TAFA2: variants seen among roughly 807,000 people sequenced by gnomAD.
The protein encoded by TAFA2 is TAFA chemokine like family member 2.
In TAFA2, 7 loss-of-function variants were observed where a neutral mutation model predicts 18.8. That is an observed-to-expected ratio of 0.37 (90% CI 0.21 to 0.70). TAFA2 has a LOEUF of 0.70. Among genes scored for constraint, TAFA2 ranks in the 30% least tolerant of loss-of-function variants. The pLI is 0.53. For missense variants in TAFA2, 122 were observed against 158.1 expected (o/e 0.77, Z 1.23); for synonymous variants, 60 against 54.2 (o/e 1.11, Z -0.47).
chr12:61,758,872 T>C (rs1869400128), intron 2 of TAFA2, among the ~76,000 whole-genome samples: 1 of 152,018 alleles, frequency 6.6e-6, no homozygotes, highest in Non-Finnish European at 1.5e-5. Context: ...TCTAAATCTC[T>C]GAATGGAAGC....
At chr12:61,815,995 G>T (rs796670875) in intron 2 of TAFA2, among the ~76,000 whole-genome samples, 3 of 151,360 alleles carry the variant, frequency 2.0e-5, no homozygotes, top group African/African-American at 7.4e-5. Flanking sequence ...AAAAAAGATG[G>T]TGTGGGTCTC....
chr12:62,158,083 GA>G lies in TAFA2; in HGVS notation c.-2+33175del, dbSNP rs568144195. Among the ~76,000 whole-genome samples the G allele has an allele frequency of 3.9e-5, 6 of 151,986 alleles. No homozygotes were observed. In the South Asian group the frequency reaches 8.3e-4, roughly 21 times the overall value. ...ATCACATTCCCTATAAACTTTTCTG[GA>G]AAAAAAGTCAATACATTCATGGTTT... On this transcript the variant is annotated intron_variant, in intron 1 of 4. Transcript: ENST00000416284.
At chr12:61,854,984 C>T (rs1327030076) in intron 2 of TAFA2, among the ~76,000 whole-genome samples, 1 of 152,112 alleles carries the variant, frequency 6.6e-6, no homozygotes, top group African/African-American at 2.4e-5. Flanking sequence ...GAAGTATGTA[C>T]ACCAGATGCA....
intron 2 of TAFA2, among the ~76,000 whole-genome samples, chr12:61,810,756 A>G (rs1051438761): frequency 6.6e-5 from 10 of 151,372 alleles, no homozygotes; most frequent in African/African-American, 2.2e-4. Flanking sequence ...GGCTTGGGTC[A>G]TAAGAATCTG....
intron 4 of TAFA2, among the ~76,000 whole-genome samples, chr12:61,751,897 G>C (rs1869034132): frequency 1.3e-5 from 2 of 151,870 alleles, no homozygotes; most frequent in Non-Finnish European, 2.9e-5. Context: ...AGACTGCATG[G>C]TCTTGACCTT....
chr12:61,875,570 T>C (rs1000981907), intron 1 of TAFA2, among the ~76,000 whole-genome samples: 5 of 152,100 alleles, frequency 3.3e-5, no homozygotes, highest in Non-Finnish European at 7.4e-5. Flanking sequence ...TAAAATATGT[T>C]AGAGCTACTA....
intron 1 of TAFA2, among the ~76,000 whole-genome samples, chr12:62,245,526 TTATTAA>T (rs2062880845): frequency 1.3e-5 from 2 of 151,028 alleles, no homozygotes; most frequent in South Asian, 4.1e-4. Flanking sequence ...TATTTTTATA[TTATTAA>T]TATTGTTTAG....
chr12:62,212,470 A>G (rs1393583930), intron 1 of TAFA2, among the ~76,000 whole-genome samples: 1 of 152,226 alleles, frequency 6.6e-6, no homozygotes, highest in African/African-American at 2.4e-5. Flanking sequence ...CCCTCTAGGA[A>G]TAACTCCTTT....
chr12:61,910,148 A>G (rs1165256800), intron 1 of TAFA2, among the ~76,000 whole-genome samples: 2 of 149,946 alleles, frequency 1.3e-5, no homozygotes, highest in East Asian at 3.9e-4. Context: ...TGGGGGCTGC[A>G]GGTTATGCTA....
At chr12:62,038,991 T>C (rs899735636) in intron 1 of TAFA2, among the ~76,000 whole-genome samples, 1 of 152,164 alleles carries the variant, frequency 6.6e-6, no homozygotes, top group Non-Finnish European at 1.5e-5. Context: ...CATTGCTCCT[T>C]TGCAACATCT....
At position 61,755,034 on chromosome 12, in the gene TAFA2, C is replaced by G; in HGVS notation, c.107-10G>C. The G allele has an allele frequency of 1.2e-6, 2 of 1,608,760 alleles. No individual in the cohort carries two copies. The highest frequency in any genetic ancestry group is 1.7e-6 in the Non-Finnish European group (2 of 1,178,074). On this transcript the variant is annotated splice_polypyrimidine_tract_variant and intron_variant, in intron 2 of 4. Coordinates refer to ENST00000416284, the MANE Select transcript of TAFA2 (RefSeq NM_178539.5). ...GTTTTAACATGGTGAGCTGCACAAA[C>G]AAAAAAGATAAGACAACATTGAGAA...
chr12:61,808,718 G>A (rs950055256), intron 2 of TAFA2, among the ~76,000 whole-genome samples: 10 of 151,398 alleles, frequency 6.6e-5, no homozygotes, highest in Non-Finnish European at 1.2e-4. Context: ...TCTGAAAGTA[G>A]TAATGCAAGA....
At chr12:61,854,356 C>A (rs1873800717) in intron 2 of TAFA2, among the ~76,000 whole-genome samples, 1 of 151,978 alleles carries the variant, frequency 6.6e-6, no homozygotes, top group Non-Finnish European at 1.5e-5. Flanking sequence ...GAGGAAACAG[C>A]ACTGCTAGAA....
At chr12:61,868,448 A>G (rs1251496688) in intron 1 of TAFA2, among the ~76,000 whole-genome samples, 1 of 152,162 alleles carries the variant, frequency 6.6e-6, no homozygotes, top group Non-Finnish European at 1.5e-5. Context: ...TTCAGATCCT[A>G]TACTGAACTC....
intron 4 of TAFA2, among the ~76,000 whole-genome samples, chr12:61,733,021 A>G (rs1393656652): frequency 6.6e-6 from 1 of 152,040 alleles, no homozygotes; most frequent in African/African-American, 2.4e-5. Flanking sequence ...CTCAGTCATG[A>G]GAAAACATGC....
In TAFA2 at chr12:62,191,605, G is replaced by T. The variant is rs2062625225; in HGVS notation, c.-348C>A. 6.6e-6 allele frequency: 1 copy of T among 152,224 alleles called. No individual in the cohort carries two copies. The highest frequency in any genetic ancestry group is 2.4e-5 in the African/African-American group (1 of 41,470). 9.4% of individuals were successfully genotyped at this position (152,224 alleles called of 1,614,324 possible). On this transcript the variant is annotated 5_prime_UTR_variant, in exon 1 of 5. Coordinates refer to ENST00000416284, the MANE Select transcript of TAFA2 (RefSeq NM_178539.5). Reference sequence around the variant, plus strand: ...TTCCACAGTGTCAAAGTAATCAAAAGATTTGTTTACTGAGGAAAAGCCAAA... The same window carrying T: ...TTCCACAGTGTCAAAGTAATCAAAATATTTGTTTACTGAGGAAAAGCCAAA...
At chr12:61,975,382 A>G (rs1324196436) in intron 1 of TAFA2, among the ~76,000 whole-genome samples, 1 of 151,636 alleles carries the variant, frequency 6.6e-6, no homozygotes, top group Admixed American at 6.6e-5. Context: ...TAGATTCCAC[A>G]TATACGTGAA....
intron 1 of TAFA2, among the ~76,000 whole-genome samples, chr12:61,936,990 T>C (rs1253029160): frequency 1.3e-5 from 2 of 152,044 alleles, no homozygotes; most frequent in African/African-American, 2.4e-5. Context: ...AGTACACAAA[T>C]CAGTAGCACT....
intron 4 of TAFA2, among the ~76,000 whole-genome samples, chr12:61,750,249 C>A (rs1424234681): frequency 4.6e-5 from 7 of 152,008 alleles, no homozygotes; most frequent in African/African-American, 1.7e-4. Flanking sequence ...ATGACTTTTC[C>A]TTTCCTTCTG....
Sources: allele counts gnomAD v4.1 joint callset (sites outside exome capture counted in the v4.1 genomes callset), GRCh38; gene constraint gnomAD v4.1.1; transcripts MANE v1.5; gene names NCBI Gene and HGNC (gene_info 2026-07-23, HGNC 2026-07-21).